Variants in ATG5 observed in about 807,000 individuals in gnomAD.
The protein encoded by ATG5 is autophagy protein 5.
A neutral mutation model predicts 36.5 loss-of-function variants in ATG5; 14 were observed. The observed-to-expected ratio is 0.38, with a 90% CI of 0.25 to 0.60. ATG5 has a LOEUF of 0.60. Ranked by LOEUF, ATG5 falls within the 20% of genes least tolerant of loss-of-function variation. The pLI, the probability that ATG5 is intolerant of heterozygous loss-of-function variation, is 0.60. For synonymous variants in ATG5, 95 were observed against 101.5 expected (o/e 0.94, Z 0.38); for missense variants, 195 against 326.7 (o/e 0.60, Z 3.11).
At chr6:106,280,407 G>A (rs1464243058) in intron 4 of ATG5, among the ~76,000 whole-genome samples, 1 of 151,950 alleles carries the variant, frequency 6.6e-6, no homozygotes, top group Non-Finnish European at 1.5e-5. Context: ...AATATCAACA[G>A]GTAAATGAAC....
chr6:106,259,444 T>C (rs753537475), intron 5 of ATG5, among the ~76,000 whole-genome samples: 7 of 152,230 alleles, frequency 4.6e-5, no homozygotes, highest in Non-Finnish European at 8.8e-5. Context: ...ACAGCTCAGA[T>C]ATCTGAATTG....
intron 4 of ATG5, among the ~76,000 whole-genome samples, chr6:106,290,456 G>T (rs1241121453): frequency 6.6e-6 from 1 of 151,792 alleles, no homozygotes. Flanking sequence ...AAGTAGCTAG[G>T]ACTACAGGTG....
intron 5 of ATG5, 108 bp downstream of exon 5, chr6:106,279,553 A>G: frequency 9.8e-7 from 1 of 1,022,994 alleles, no homozygotes; most frequent in Non-Finnish European, 1.3e-6. Flanking sequence ...CAGAGGCTAC[A>G]ATTTAAACTT....
intron 6 of ATG5, among the ~76,000 whole-genome samples, chr6:106,206,268 T>A (rs1306517802): frequency 3.4e-5 from 1 of 29,830 alleles, no homozygotes; most frequent in Non-Finnish European, 6.6e-5. Flanking sequence ...GGGGTGGGGG[T>A]GGGGGCGCAG....
intron 6 of ATG5, among the ~76,000 whole-genome samples, chr6:106,222,181 CTTA>C (rs1204370515): frequency 6.6e-6 from 1 of 152,088 alleles, no homozygotes; most frequent in Non-Finnish European, 1.5e-5. Context: ...CCTAAAGTGT[CTTA>C]TTATAACCAA....
chr6:106,198,386 GAA>G (rs982980667), intron 7 of ATG5, among the ~76,000 whole-genome samples: 1 of 151,854 alleles, frequency 6.6e-6, no homozygotes, highest in Non-Finnish European at 1.5e-5. Flanking sequence ...TTGCCTATAA[GAA>G]AAAAAGTTTT....
intron 7 of ATG5, among the ~76,000 whole-genome samples, chr6:106,192,456 A>T (rs1776000343): frequency 1.3e-5 from 2 of 152,212 alleles, no homozygotes; most frequent in Non-Finnish European, 2.9e-5. Context: ...CTTTAAAAAC[A>T]GGTGACTTGA....
chr6:106,193,765 C>T (rs1444124525), intron 7 of ATG5, among the ~76,000 whole-genome samples: 1 of 152,138 alleles, frequency 6.6e-6, no homozygotes, highest in Non-Finnish European at 1.5e-5. Context: ...CAGAATAGCT[C>T]AACTTACTTG....
intron 5 of ATG5, among the ~76,000 whole-genome samples, chr6:106,261,735 G>C (rs1453051156): frequency 6.6e-6 from 1 of 152,194 alleles, no homozygotes; most frequent in Non-Finnish European, 1.5e-5. Flanking sequence ...GAGATGAAAA[G>C]TCAATAAATA....
intron 7 of ATG5, among the ~76,000 whole-genome samples, chr6:106,201,349 T>C (rs930862302): frequency 1.3e-5 from 2 of 152,044 alleles, no homozygotes; most frequent in Non-Finnish European, 2.9e-5. Context: ...TGGGCAGTTT[T>C]ATTGTTTTCT....
chr6:106,234,948 G>C (rs1299913611), intron 6 of ATG5, among the ~76,000 whole-genome samples: 1 of 152,174 alleles, frequency 6.6e-6, no homozygotes, highest in African/African-American at 2.4e-5. Context: ...CTGAAAGAGG[G>C]GGAAGCTGTT....
chr6:106,270,426 AAAT>A (rs199709291), intron 5 of ATG5, among the ~76,000 whole-genome samples: 2 of 152,314 alleles, frequency 1.3e-5, no homozygotes, highest in African/African-American at 2.4e-5. Flanking sequence ...TACTACAGGC[AAAT>A]AATAATAATA....
At chr6:106,295,708 CAT>C (rs537950117) in intron 3 of ATG5, among the ~76,000 whole-genome samples, 2 of 152,030 alleles carry the variant, frequency 1.3e-5, no homozygotes, top group Non-Finnish European at 2.9e-5. Flanking sequence ...GGACTACAGA[CAT>C]GTGCCACTAT....
chr6:106,194,336 G>GCTTATATATATATCATGTTATATAA (rs1776088794), intron 7 of ATG5, among the ~76,000 whole-genome samples: 1 of 152,006 alleles, frequency 6.6e-6, no homozygotes, highest in Non-Finnish European at 1.5e-5. Context: ...CAAATCACGA[G>GCTTATATATATATCATGTTATATAA]ATACTAACAA....
At chr6:106,248,548 G>A (rs1171360572) in intron 5 of ATG5, among the ~76,000 whole-genome samples, 1 of 152,170 alleles carries the variant, frequency 6.6e-6, no homozygotes, top group East Asian at 1.9e-4. Flanking sequence ...ACCAGGTAGA[G>A]GATAGATGTC....
intron 5 of ATG5, among the ~76,000 whole-genome samples, chr6:106,279,320 A>T (rs1237489130): frequency 6.6e-6 from 1 of 152,242 alleles, no homozygotes; most frequent in African/African-American, 2.4e-5. Flanking sequence ...GTACATACCC[A>T]GAATTTTCCA....
At chr6:106,250,991 A>C (rs1335777179) in intron 5 of ATG5, among the ~76,000 whole-genome samples, 1 of 152,228 alleles carries the variant, frequency 6.6e-6, no homozygotes, top group African/African-American at 2.4e-5. Flanking sequence ...CCAGATACGC[A>C]AGTCTCTCAG....
At position 106,290,259 on chromosome 6, in the gene ATG5, ATTTAT is replaced by A. The variant is rs141834176; in HGVS notation, c.315+2764_315+2768del. Among the ~76,000 whole-genome samples, 630 of 141,570 alleles carry A rather than the reference ATTTAT, an allele frequency of 4.5e-3. 2 individuals carry two copies. The highest frequency in any genetic ancestry group is 0.015 in the African/African-American group (559 of 37,244). The allele number at this position is 141,570 out of a possible 152,430, so 92.9% of individuals were successfully genotyped here. Reference sequence around the variant, plus strand: ...TTATTTATCTATTTTATTTTATTTTATTTATTTTATTTTATTTTATTTTATTTTTA... The same window carrying A: ...TTATTTATCTATTTTATTTTATTTTATTTATTTTATTTTATTTTATTTTTA... On this transcript the variant is annotated intron_variant, in intron 4 of 7. Coordinates refer to ENST00000369076, the MANE Select transcript of ATG5 (RefSeq NM_004849.4).
intron 2 of ATG5, among the ~76,000 whole-genome samples, chr6:106,315,653 A>T (rs1487993544): frequency 2.0e-5 from 3 of 152,156 alleles, no homozygotes; most frequent in East Asian, 3.8e-4. Context: ...TAAGCTATAA[A>T]AACACTTTTA....
Sources: gnomAD v4.1 joint callset for allele counts (sites outside exome capture counted in the v4.1 genomes callset) on GRCh38, gnomAD v4.1.1 for gene constraint, MANE v1.5 for transcripts, NCBI Gene and HGNC (gene_info 2026-07-23, HGNC 2026-07-21) for gene names.